The following TMEM217B variants were observed in gnomAD, a reference collection of about 807,000 sequenced individuals.
TMEM217B encodes transmembrane protein 217B.
chr6:37,220,769 TA>T, the TMEM217B span, among the ~76,000 whole-genome samples: 3 of 152,056 alleles, frequency 2.0e-5, no homozygotes, highest in East Asian at 5.8e-4. Flanking sequence ...TAGTGAAAAA[TA>T]ACCAAGCACA....
At chr6:37,228,813 C>G in the TMEM217B span, among the ~76,000 whole-genome samples, 1 of 151,090 alleles carries the variant, frequency 6.6e-6, no homozygotes, top group Non-Finnish European at 1.5e-5. Context: ...CTGACTAACA[C>G]GGTGAAACCC....
the TMEM217B span, among the ~76,000 whole-genome samples, chr6:37,232,298 A>G: frequency 6.6e-6 from 1 of 152,226 alleles, no homozygotes; most frequent in East Asian, 1.9e-4. Flanking sequence ...GCTCCTGCCC[A>G]TAATGGATTT....
At chr6:37,253,932 A>T in the TMEM217B span, among the ~76,000 whole-genome samples, 1 of 152,210 alleles carries the variant, frequency 6.6e-6, no homozygotes, top group Non-Finnish European at 1.5e-5. Flanking sequence ...GGCATATCTC[A>T]TCCCTTAACT....
At chr6:37,219,009 C>A in the TMEM217B span, 1 of 1,613,878 alleles carries the variant, frequency 6.2e-7, no homozygotes, top group Non-Finnish European at 8.5e-7. Context: ...GCAGTCATCC[C>A]ACACCACTGC....
At chr6:37,248,984 G>A in the TMEM217B span, among the ~76,000 whole-genome samples, 1 of 152,132 alleles carries the variant, frequency 6.6e-6, no homozygotes, top group East Asian at 1.9e-4. Flanking sequence ...TCCTTGGCTT[G>A]TGGCTGCATC....
chr6:37,239,954 T>A, the TMEM217B span, among the ~76,000 whole-genome samples: 13 of 151,916 alleles, frequency 8.6e-5, no homozygotes, highest in African/African-American at 2.7e-4. Flanking sequence ...CAATAGTAGT[T>A]TAAACAACTA....
At chr6:37,213,005 A>G in the TMEM217B span, 1 of 1,525,904 alleles carries the variant, frequency 6.6e-7, no homozygotes, top group Non-Finnish European at 8.8e-7. Flanking sequence ...TCCTGCAGGA[A>G]GAAAATCATA....
chr6:37,217,259 A>T, the TMEM217B span, among the ~76,000 whole-genome samples: 1 of 152,206 alleles, frequency 6.6e-6, no homozygotes, highest in Non-Finnish European at 1.5e-5. Context: ...GCACCATTGC[A>T]CTCTGGCCTG....
At chr6:37,227,395 C>T in the TMEM217B span, among the ~76,000 whole-genome samples, 3 of 152,112 alleles carry the variant, frequency 2.0e-5, no homozygotes, top group Admixed American at 6.6e-5. Context: ...CCCATCTATG[C>T]GGCAAAACTT....
the TMEM217B span, among the ~76,000 whole-genome samples, chr6:37,229,348 T>TTTTG: frequency 1.2e-4 from 16 of 129,520 alleles, 2 homozygotes; most frequent in African/African-American, 4.9e-4. Context: ...TTTTTTTTTT[T>TTTTG]TTTTTTTTTT....
the TMEM217B span, chr6:37,212,988 G>A: frequency 3.9e-6 from 6 of 1,539,700 alleles, no homozygotes; most frequent in Non-Finnish European, 4.4e-6. Flanking sequence ...TGTTTTACCA[G>A]AGCACCTCCT....
the TMEM217B span, among the ~76,000 whole-genome samples, chr6:37,239,507 A>G: frequency 6.6e-6 from 1 of 151,888 alleles, no homozygotes; most frequent in Non-Finnish European, 1.5e-5. Context: ...TAAATAAATA[A>G]GTAAATAAAA....
At chr6:37,218,616 G>T in the TMEM217B span, 1 of 1,614,188 alleles carries the variant, frequency 6.2e-7, no homozygotes, top group Middle Eastern at 1.6e-4. Flanking sequence ...CAGAAACAGT[G>T]CATGACTGTA....
the TMEM217B span, among the ~76,000 whole-genome samples, chr6:37,240,299 G>A: frequency 7.8e-4 from 119 of 152,196 alleles, no homozygotes; most frequent in Non-Finnish European, 1.4e-3. Flanking sequence ...GTTGGCCTGG[G>A]CTGGGGGCCA....
chr6:37,236,113 C>T, the TMEM217B span, among the ~76,000 whole-genome samples: 1 of 152,040 alleles, frequency 6.6e-6, no homozygotes, highest in South Asian at 2.1e-4. Context: ...CGTGTTTGAA[C>T]TGAAAAAAGT....
chr6:37,252,484 A>T, the TMEM217B span, among the ~76,000 whole-genome samples: 2 of 151,506 alleles, frequency 1.3e-5, no homozygotes, highest in African/African-American at 2.4e-5. Context: ...TACATAACAT[A>T]CATATACATG....
chr6:37,235,646 G>A, the TMEM217B span, among the ~76,000 whole-genome samples: 9 of 151,854 alleles, frequency 5.9e-5, no homozygotes, highest in Admixed American at 3.3e-4. Context: ...GATTACAGGC[G>A]TGAGCCACCA....
chr6:37,224,191 G>A, the TMEM217B span, among the ~76,000 whole-genome samples: 1 of 150,888 alleles, frequency 6.6e-6, no homozygotes, highest in Non-Finnish European at 1.5e-5. Context: ...CGCCTGCCTC[G>A]GCCTCCCAAA....
chr6:37,246,172 TCTC>T, the TMEM217B span, among the ~76,000 whole-genome samples: 1 of 152,110 alleles, frequency 6.6e-6, no homozygotes, highest in East Asian at 1.9e-4. Flanking sequence ...CTCTTCTACT[TCTC>T]CTCTAATTCT....
Sources: gnomAD v4.1 joint callset for allele counts (sites outside exome capture counted in the v4.1 genomes callset) on GRCh38, gnomAD v4.1.1 for gene constraint, MANE v1.5 for transcripts, NCBI Gene and HGNC (gene_info 2026-07-23, HGNC 2026-07-21) for gene names.